DCAF12: variants seen among roughly 807,000 people sequenced by gnomAD.
The protein encoded by DCAF12 is DDB1 and CUL4 associated factor 12, also known as DDB1- and CUL4-associated factor 12.
DCAF12 carries 28 observed loss-of-function variants against 52.8 expected under a neutral mutation model. That is an observed-to-expected ratio of 0.53 (90% CI 0.39 to 0.73). DCAF12 has a LOEUF of 0.73. Among genes scored for constraint, DCAF12 ranks in the 30% least tolerant of loss-of-function variants. DCAF12 has a pLI of 0.00. For missense variants in DCAF12, 425 were observed against 552.2 expected, an observed-to-expected ratio of 0.77 and a Z score of 2.31; for synonymous variants, 196 against 215.5, an observed-to-expected ratio of 0.91 and a Z score of 0.79.
intron 4 of DCAF12, among the ~76,000 whole-genome samples, chr9:34,106,231 A>G (rs1428779955): frequency 1.3e-5 from 2 of 151,396 alleles, no homozygotes; most frequent in African/African-American, 2.4e-5. Context: ...TATCTGGGAC[A>G]ACAAGTATGC....
intron 2 of DCAF12, chr9:34,109,404 A>G (rs2131436513): frequency 5.0e-6 from 1 of 200,114 alleles, no homozygotes; most frequent in African/African-American, 2.3e-5. Context: ...GGTGGCAGCC[A>G]TCTTTAGCCC....
At chr9:34,105,688 T>C in intron 4 of DCAF12, among the ~76,000 whole-genome samples, 1 of 151,580 alleles carries the variant, frequency 6.6e-6, no homozygotes, top group East Asian at 1.9e-4. Flanking sequence ...TGGTTATCTC[T>C]GGATAGAGAT....
intron 4 of DCAF12, among the ~76,000 whole-genome samples, chr9:34,100,583 C>T (rs1478201764): frequency 4.0e-5 from 6 of 151,206 alleles, no homozygotes; most frequent in Non-Finnish European, 7.4e-5. Flanking sequence ...CAACCTCCAC[C>T]TCCTGAGCAC....
At chr9:34,112,438 A>G (rs936035318) in intron 2 of DCAF12, among the ~76,000 whole-genome samples, 3 of 151,596 alleles carry the variant, frequency 2.0e-5, no homozygotes, top group Admixed American at 2.0e-4. Context: ...TACTAAAAAT[A>G]CAAAAATCAG....
chr9:34,121,732 CAGA>C (rs1440491876), intron 2 of DCAF12, among the ~76,000 whole-genome samples: 1 of 152,232 alleles, frequency 6.6e-6, no homozygotes, highest in South Asian at 2.1e-4. Flanking sequence ...ATCACGAGGT[CAGA>C]AGATCGAGAC....
At chr9:34,114,470 A>T (rs559874656) in intron 2 of DCAF12, among the ~76,000 whole-genome samples, 7 of 152,250 alleles carry the variant, frequency 4.6e-5, no homozygotes, top group African/African-American at 1.7e-4. Context: ...AAGGAATGAC[A>T]ATGAACCACT....
chr9:34,098,895 A>G (rs898837635), intron 4 of DCAF12, among the ~76,000 whole-genome samples: 1 of 151,132 alleles, frequency 6.6e-6, no homozygotes, highest in East Asian at 2.0e-4. Flanking sequence ...CACCCTCCCA[A>G]GTAGCTGGGA....
intron 7 of DCAF12, among the ~76,000 whole-genome samples, chr9:34,093,077 G>C (rs1017491156): frequency 1.3e-5 from 2 of 152,148 alleles, no homozygotes; most frequent in Non-Finnish European, 1.5e-5. Context: ...TCAAACTCCC[G>C]ACCTCAGGTG....
Position 34,088,271 on chromosome 9 carries a change from T to C in DCAF12, c.*79A>G. On this transcript the variant is annotated 3_prime_UTR_variant, in exon 9 of 9. Transcript: ENST00000361264. ...ACTAAAACACAAGAGCCTCACACAA[T>C]TAGGAAAAAAAAAATCAAAAGAAAC... is the stretch of plus-strand genomic sequence containing the variant. 2 of 1,471,378 alleles carry C rather than the reference T, an allele frequency of 1.4e-6. No individual in the cohort carries two copies. The highest frequency in any genetic ancestry group is 1.8e-6 in the Non-Finnish European group (2 of 1,107,372). 91.1% of individuals were successfully genotyped at this position (1,471,378 alleles called of 1,614,324 possible).
intron 2 of DCAF12, chr9:34,109,930 AC>A: frequency 4.4e-6 from 1 of 227,862 alleles, no homozygotes; most frequent in Middle Eastern, 8.1e-4. Flanking sequence ...GTAGGGCTCT[AC>A]CACCATGTCC....
chr9:34,101,496 G>A (rs554433462), intron 4 of DCAF12, among the ~76,000 whole-genome samples: 1 of 152,024 alleles, frequency 6.6e-6, no homozygotes, highest in African/African-American at 2.4e-5. Flanking sequence ...GGGTTCAAGT[G>A]ATTCTCCTAC....
intron 4 of DCAF12, 109 bp downstream of exon 4, chr9:34,106,325 G>C: frequency 1.1e-6 from 1 of 871,694 alleles, no homozygotes; most frequent in African/African-American, 1.7e-5. Flanking sequence ...TTATAGGCGT[G>C]AGTCACTGAG....
chr9:34,093,590 T>TAGG (rs1828684287), intron 6 of DCAF12, 142 bp from the exon 7 acceptor site: 4 of 835,500 alleles, frequency 4.8e-6, no homozygotes, highest in Admixed American at 2.5e-5. Flanking sequence ...TAACACTCTG[T>TAGG]TCCACCCCTA....
At chr9:34,092,494 T>C (rs545316522) in intron 7 of DCAF12, among the ~76,000 whole-genome samples, 2 of 152,278 alleles carry the variant, frequency 1.3e-5, no homozygotes, top group East Asian at 3.9e-4. Context: ...AAGGCCATCC[T>C]GGCCAACATG....
intron 5 of DCAF12, 45 bp downstream of exon 5, chr9:34,098,279 T>G: frequency 6.3e-7 from 1 of 1,584,574 alleles, no homozygotes; most frequent in Non-Finnish European, 8.6e-7. Context: ...TCCCAAGACA[T>G]AAGCAAGAGG....
At chr9:34,108,213 G>C (rs188155067) in intron 2 of DCAF12, among the ~76,000 whole-genome samples, 1 of 152,276 alleles carries the variant, frequency 6.6e-6, no homozygotes, top group Admixed American at 6.5e-5. Context: ...ATCAGTCTTA[G>C]CGAAAGGACA....
intron 2 of DCAF12, among the ~76,000 whole-genome samples, chr9:34,113,415 G>A (rs1236918201): frequency 6.6e-6 from 1 of 151,862 alleles, no homozygotes; most frequent in African/African-American, 2.4e-5. Flanking sequence ...GGAATGCAGT[G>A]GCGTGATCTT....
chr9:34,111,040 C>T (rs1360188198), intron 2 of DCAF12, among the ~76,000 whole-genome samples: 1 of 142,040 alleles, frequency 7.0e-6, no homozygotes, highest in African/African-American at 2.6e-5. Context: ...GGCTGGAGTG[C>T]AGTGGCATGA....
rs1210992250 is a variant in DCAF12 at position 34,126,696 on chromosome 9, A to AACCAAAAC, written c.-266_-265insGTTTTGGT. 6.9e-5 allele frequency: 38 copies of AACCAAAAC among 550,336 alleles called. No individual in the cohort carries two copies. The Admixed American group carries it at 1.3e-3, about 19-fold the overall frequency. The allele number at this position is 550,336 out of a possible 1,614,324, so 34.1% of individuals were successfully genotyped here. On this transcript the variant is annotated 5_prime_UTR_variant, in exon 1 of 9. Coordinates refer to ENST00000361264, the MANE Select transcript of DCAF12 (RefSeq NM_015397.4). ...GCCTGCAAGGACGGCGAGCGGCTAG[A>AACCAAAAC]ACCAAAACACCCCCTCCCCCTTGCT...
Sources: allele counts gnomAD v4.1 joint callset (sites outside exome capture counted in the v4.1 genomes callset), GRCh38; gene constraint gnomAD v4.1.1; transcripts MANE v1.5; gene names NCBI Gene and HGNC (gene_info 2026-07-23, HGNC 2026-07-21).